Variants in GRIK4 observed in about 807,000 individuals in gnomAD.
The protein encoded by GRIK4 is glutamate ionotropic receptor kainate type subunit 4, also known as glutamate receptor ionotropic, kainate 4.
Under a neutral mutation model 104.9 loss-of-function variants are expected in GRIK4, and 40 were observed. The observed-to-expected ratio is 0.38, with a 90% CI of 0.30 to 0.50. The LOEUF (loss-of-function observed/expected upper bound fraction) is 0.50, where lower values mean the gene tolerates loss of function less well. Among genes scored for constraint, GRIK4 ranks in the 20% least tolerant of loss-of-function variants. GRIK4 has a pLI of 0.93. For synonymous variants in GRIK4, 485 were observed against 524.9 expected (o/e 0.92, Z 1.04); for missense variants, 1,047 against 1,308.1 (o/e 0.80, Z 3.08).
chr11:120,671,422 G>A (rs1301777316), intron 3 of GRIK4, among the ~76,000 whole-genome samples: 2 of 152,184 alleles, frequency 1.3e-5, no homozygotes, highest in East Asian at 1.9e-4. Flanking sequence ...ATATCTCATT[G>A]TGGATTTGGA....
intron 13 of GRIK4, among the ~76,000 whole-genome samples, chr11:120,907,405 C>T (rs1942892710): frequency 6.6e-6 from 1 of 152,158 alleles, no homozygotes; most frequent in Non-Finnish European, 1.5e-5. Flanking sequence ...GACATGCAGC[C>T]ACACACCGAG....
intron 3 of GRIK4, among the ~76,000 whole-genome samples, chr11:120,800,534 C>T (rs1007642720): frequency 2.0e-5 from 3 of 152,172 alleles, no homozygotes; most frequent in Non-Finnish European, 2.9e-5. Context: ...GTCACTTCTG[C>T]GGGTGGCTAA....
At chr11:120,788,813 C>T (rs1311837098) in intron 3 of GRIK4, among the ~76,000 whole-genome samples, 1 of 151,714 alleles carries the variant, frequency 6.6e-6, no homozygotes, top group Non-Finnish European at 1.5e-5. Flanking sequence ...ATTATGCCCC[C>T]TCCCTTCCCA....
chr11:120,588,882 GA>G, intron 1 of GRIK4, among the ~76,000 whole-genome samples: 1 of 152,176 alleles, frequency 6.6e-6, no homozygotes, highest in Non-Finnish European at 1.5e-5. Flanking sequence ...CTCCAGTTGA[GA>G]ACTGTCGGTA....
chr11:120,517,126 C>T (rs950432102), intron 1 of GRIK4, among the ~76,000 whole-genome samples: 1 of 149,250 alleles, frequency 6.7e-6, no homozygotes, highest in Non-Finnish European at 1.5e-5. Flanking sequence ...CTGTCACCGC[C>T]GGGGACCGAG....
intron 1 of GRIK4, among the ~76,000 whole-genome samples, chr11:120,628,040 C>T (rs7928621): frequency 0.032 from 4,941 of 152,246 alleles, 252 homozygotes; most frequent in African/African-American, 0.11. Flanking sequence ...CTTTGAAAGG[C>T]ACAAAGGGCT....
intron 3 of GRIK4, among the ~76,000 whole-genome samples, chr11:120,797,135 T>C (rs1423243261): frequency 1.3e-5 from 2 of 152,050 alleles, no homozygotes; most frequent in African/African-American, 4.8e-5. Flanking sequence ...GAAGAGTCAG[T>C]GTGCACTGAG....
chr11:120,768,550 C>T (rs972056674), intron 3 of GRIK4, among the ~76,000 whole-genome samples: 2 of 152,060 alleles, frequency 1.3e-5, no homozygotes, highest in African/African-American at 4.8e-5. Flanking sequence ...TATCTGATTG[C>T]TCTGGCTAGC....
intron 3 of GRIK4, among the ~76,000 whole-genome samples, chr11:120,698,844 C>T (rs1313349338): frequency 6.6e-6 from 1 of 152,242 alleles, no homozygotes; most frequent in African/African-American, 2.4e-5. Context: ...GTTACCCCCA[C>T]TCTAAGTGCA....
chr11:120,952,732 A>G lies in GRIK4; in HGVS notation c.1591-123A>G, dbSNP rs560590329. 9 of 744,516 alleles carry G rather than the reference A, an allele frequency of 1.2e-5. No individual in the cohort carries two copies. The Admixed American group carries it at 1.7e-4, about 14-fold the overall frequency. 46.1% of individuals were successfully genotyped at this position (744,516 alleles called of 1,614,324 possible). A position where few individuals can be genotyped will look rare whatever the true frequency, so the allele number is the denominator to read the frequency against. ...GTGTCATTTAAACCAATCACCCAGAACCCACAGAAATGGGAACTGGGGCCA... is the reference window on the plus strand; with the variant it reads ...GTGTCATTTAAACCAATCACCCAGAGCCCACAGAAATGGGAACTGGGGCCA... On this transcript the variant is annotated intron_variant, in intron 14 of 20. Coordinates refer to ENST00000527524, the MANE Select transcript of GRIK4 (RefSeq NM_014619.5). The surrounding 1 kb of genome is among the most constrained non-coding windows in gnomAD (Gnocchi z 5.2).
At position 120,986,082 on chromosome 11, in the gene GRIK4, C is replaced by T; in HGVS notation, c.2693C>T (p.Pro898Leu). The part of the protein sequence containing the change: ...SNGKLCGAGE[P>L]DQLAQRLAQE... ...GGGAAGCTGTGCGGGGCAGGGGAGC[C>T]CGACCAGCTCGCGCAGAGACTGGCG... Residue 898 changes from proline (P) to leucine (L), a missense_variant, in exon 21 of 21, where the codon CCC becomes CTC. Pro to Leu is a moderately conservative substitution (Grantham distance 98). Transcript: ENST00000527524. The T allele has an allele frequency of 6.6e-7, 1 of 1,511,750 alleles. No homozygotes were observed. The highest frequency in any genetic ancestry group is 8.8e-7 in the Non-Finnish European group (1 of 1,135,950). 93.6% of individuals were successfully genotyped at this position (1,511,750 alleles called of 1,614,324 possible).
chr11:120,902,230 C>T lies in GRIK4; in HGVS notation c.1273-3060C>T, dbSNP rs998112943. 6.6e-6 allele frequency among the ~76,000 whole-genome samples: 1 copy of T among 152,144 alleles called. No individual in the cohort carries two copies. The highest frequency in any genetic ancestry group is 1.5e-5 in the Non-Finnish European group (1 of 68,030). On this transcript the variant is annotated intron_variant, in intron 12 of 20. Coordinates refer to ENST00000527524, the MANE Select transcript of GRIK4 (RefSeq NM_014619.5). The surrounding 1 kb of genome is among the most constrained non-coding windows in gnomAD (Gnocchi z 4.5). ...TTGGCTGCCGCTCCCATTCCCTGAA[C>T]ACCTTTTCTGTATCAGACCCCGTGT... is the stretch of plus-strand genomic sequence containing the variant.
Position 120,728,701 on chromosome 11 carries a change from T to G in GRIK4, c.82+68301T>G, listed in dbSNP as rs115118977. Among the ~76,000 whole-genome samples, 1,251 of 152,284 alleles carry G rather than the reference T, an allele frequency of 8.2e-3. 22 individuals carry two copies. Among genetic ancestry groups the G allele is most frequent in the African/African-American group, 0.029 (1,201 of 41,554 alleles). ...ATACAGGCATACAATGTATAATAAT[T>G]ACATCATGGTAAATGGGGTATTCAT... is the stretch of plus-strand genomic sequence containing the variant. On this transcript the variant is annotated intron_variant, in intron 3 of 20. Transcript: ENST00000527524.
At chr11:120,535,259 G>T (rs946624597) in intron 1 of GRIK4, among the ~76,000 whole-genome samples, 1 of 135,382 alleles carries the variant, frequency 7.4e-6, no homozygotes, top group African/African-American at 2.8e-5. Flanking sequence ...ATCCAGGGAA[G>T]AACCTCCTGG....
chr11:120,717,271 G>A (rs1252423726), intron 3 of GRIK4, among the ~76,000 whole-genome samples: 1 of 152,196 alleles, frequency 6.6e-6, no homozygotes, highest in East Asian at 1.9e-4. Flanking sequence ...CCTGGGTGGT[G>A]GGCAACGCTG....
At chr11:120,594,215 T>C (rs1218979665) in intron 1 of GRIK4, among the ~76,000 whole-genome samples, 1 of 152,268 alleles carries the variant, frequency 6.6e-6, no homozygotes, top group Non-Finnish European at 1.5e-5. Flanking sequence ...CAGTGGCTCA[T>C]GCCTGTAATC....
At chr11:120,571,859 G>A (rs1302079751) in intron 1 of GRIK4, among the ~76,000 whole-genome samples, 1 of 152,152 alleles carries the variant, frequency 6.6e-6, no homozygotes, top group Non-Finnish European at 1.5e-5. Context: ...TTGGTGGTGG[G>A]GAACATGTTG....
chr11:120,547,348 G>A (rs112408076), intron 1 of GRIK4, among the ~76,000 whole-genome samples: 2,384 of 152,336 alleles, frequency 0.016, 66 homozygotes, highest in African/African-American at 0.055. Context: ...CCCCTAGCAC[G>A]CAGTGACCTC....
At chr11:120,683,224 G>A (rs1446864533) in intron 3 of GRIK4, among the ~76,000 whole-genome samples, 1 of 152,182 alleles carries the variant, frequency 6.6e-6, no homozygotes, top group Non-Finnish European at 1.5e-5. Context: ...CAGAGATGAT[G>A]TTGGCTTGGA....
Sources: allele counts gnomAD v4.1 joint callset (sites outside exome capture counted in the v4.1 genomes callset), GRCh38; gene constraint gnomAD v4.1.1; non-coding constraint Gnocchi (gnomAD v3.1); transcripts MANE v1.5; gene names NCBI Gene and HGNC (gene_info 2026-07-23, HGNC 2026-07-21).